The following THSD7B variants were observed in gnomAD, a reference collection of about 807,000 sequenced individuals.
The protein encoded by THSD7B is thrombospondin type-1 domain-containing protein 7B.
In THSD7B, 138 loss-of-function variants were observed where a neutral mutation model predicts 213.6. The observed-to-expected ratio is 0.65, with a 90% CI of 0.56 to 0.74. The LOEUF (loss-of-function observed/expected upper bound fraction) is 0.74, where lower values mean the gene tolerates loss of function less well. THSD7B is among the 30% of genes least tolerant of loss of function. THSD7B has a pLI of 0.00. For missense variants in THSD7B, 1,931 were observed against 1,991.5 expected, an observed-to-expected ratio of 0.97 and a Z score of 0.58; for synonymous variants, 742 against 687.0, an observed-to-expected ratio of 1.08 and a Z score of -1.25.
chr2:137,163,331 T>C (rs780285237), intron 6 of THSD7B, among the ~76,000 whole-genome samples: 1 of 152,224 alleles, frequency 6.6e-6, no homozygotes, highest in Non-Finnish European at 1.5e-5. Flanking sequence ...AATAGGATTA[T>C]TTCAGAAGTA....
chr2:137,362,333 C>G (rs972049403), intron 12 of THSD7B, among the ~76,000 whole-genome samples: 1 of 152,128 alleles, frequency 6.6e-6, no homozygotes, highest in Non-Finnish European at 1.5e-5. Flanking sequence ...AACTAATGAG[C>G]AAAATAACCA....
At chr2:137,361,835 C>A (rs1004638147) in intron 12 of THSD7B, among the ~76,000 whole-genome samples, 2 of 152,082 alleles carry the variant, frequency 1.3e-5, no homozygotes, top group African/African-American at 4.8e-5. Flanking sequence ...GAGAACTTCC[C>A]CAACCTAGCA....
At chr2:136,853,227 A>G (rs1403012639) in intron 1 of THSD7B, among the ~76,000 whole-genome samples, 1 of 152,068 alleles carries the variant, frequency 6.6e-6, no homozygotes, top group Non-Finnish European at 1.5e-5. Context: ...CATCTGTCCT[A>G]TCAATGTCTC....
intron 2 of THSD7B, among the ~76,000 whole-genome samples, chr2:136,953,158 G>C (rs1039218266): frequency 6.6e-6 from 1 of 152,056 alleles, no homozygotes; most frequent in African/African-American, 2.4e-5. Flanking sequence ...CTAAAACATA[G>C]TCACAGCCTT....
At chr2:137,068,697 G>A (rs1687423598) in intron 3 of THSD7B, among the ~76,000 whole-genome samples, 1 of 151,982 alleles carries the variant, frequency 6.6e-6, no homozygotes. Context: ...ATTATAATTT[G>A]TTCTAAAGTA....
At chr2:137,118,883 T>A (rs1688491601) in intron 5 of THSD7B, among the ~76,000 whole-genome samples, 1 of 152,060 alleles carries the variant, frequency 6.6e-6, no homozygotes, top group Non-Finnish European at 1.5e-5. Context: ...GAAAGACATG[T>A]TTTACGTGGC....
intron 21 of THSD7B, among the ~76,000 whole-genome samples, chr2:137,654,682 C>A (rs896108219): frequency 6.6e-6 from 1 of 152,112 alleles, no homozygotes; most frequent in Non-Finnish European, 1.5e-5. Flanking sequence ...GCACCAGGAA[C>A]TGTCTTATCC....
intron 20 of THSD7B, among the ~76,000 whole-genome samples, chr2:137,628,154 C>T (rs1682668610): frequency 6.6e-6 from 1 of 152,160 alleles, no homozygotes; most frequent in Non-Finnish European, 1.5e-5. Flanking sequence ...CTCCACGTTC[C>T]TCTACCTGTC....
intron 12 of THSD7B, among the ~76,000 whole-genome samples, chr2:137,358,931 C>T (rs1685194550): frequency 1.3e-5 from 2 of 152,188 alleles, no homozygotes; most frequent in African/African-American, 4.8e-5. Flanking sequence ...CCCTGAGTGC[C>T]TGCAGCTTTG....
At chr2:137,219,962 T>C (rs1681331613) in intron 7 of THSD7B, among the ~76,000 whole-genome samples, 2 of 152,194 alleles carry the variant, frequency 1.3e-5, no homozygotes, top group Admixed American at 1.3e-4. Flanking sequence ...AATTGTGCTA[T>C]AGAACTGTAG....
At position 137,243,563 on chromosome 2, in the gene THSD7B, G is replaced by A. The variant is rs144306632; in HGVS notation, c.2266+991G>A. ...AGTATGCAGTTCTGCAGAGAAAAAA[G>A]CCTGTCAGAGGTTTGCTTTCCTTGG... On this transcript the variant is annotated intron_variant, in intron 10 of 27. Coordinates refer to ENST00000409968, the MANE Select transcript of THSD7B (RefSeq NM_001316349.2). Among the ~76,000 whole-genome samples, 106 of 152,334 alleles carry A rather than the reference G, an allele frequency of 7.0e-4. 1 individual carries two copies. In the East Asian group the frequency reaches 0.013, roughly 18 times the overall value.
chr2:136,849,568 T>C (rs1052506323), intron 1 of THSD7B, among the ~76,000 whole-genome samples: 2 of 152,058 alleles, frequency 1.3e-5, no homozygotes, highest in Non-Finnish European at 2.9e-5. Flanking sequence ...GGATGTCCTG[T>C]CCCCATCCTA....
intron 6 of THSD7B, among the ~76,000 whole-genome samples, chr2:137,167,985 C>A (rs1461980535): frequency 6.6e-6 from 1 of 152,206 alleles, no homozygotes; most frequent in Non-Finnish European, 1.5e-5. Flanking sequence ...CACACCCATC[C>A]ATTTAATCAG....
intron 17 of THSD7B, among the ~76,000 whole-genome samples, chr2:137,599,465 T>C (rs1682033746): frequency 6.6e-6 from 1 of 151,504 alleles, no homozygotes; most frequent in South Asian, 2.1e-4. Flanking sequence ...AGAATGGCAA[T>C]CATTAAAAAG....
chr2:137,116,823 G>A (rs927996356), intron 5 of THSD7B, among the ~76,000 whole-genome samples: 2 of 152,088 alleles, frequency 1.3e-5, no homozygotes, highest in East Asian at 3.9e-4. Context: ...ATAGAGAAGG[G>A]GTGTTAATTG....
intron 21 of THSD7B, among the ~76,000 whole-genome samples, chr2:137,644,981 A>ACAT (rs1683002160): frequency 6.6e-6 from 1 of 152,174 alleles, no homozygotes; most frequent in Non-Finnish European, 1.5e-5. Context: ...AGCTGCTAAC[A>ACAT]CATATACACA....
chr2:136,819,842 C>T (rs935358047), intron 1 of THSD7B, among the ~76,000 whole-genome samples: 3 of 151,478 alleles, frequency 2.0e-5, no homozygotes, highest in Middle Eastern at 3.4e-3. Context: ...CTACTCTCCT[C>T]GTTGCTTAGA....
intron 17 of THSD7B, among the ~76,000 whole-genome samples, chr2:137,589,083 T>C (rs1334194291): frequency 6.6e-6 from 1 of 152,178 alleles, no homozygotes; most frequent in African/African-American, 2.4e-5. Context: ...CCTGGCCACA[T>C]GTTGTCCTTT....
intron 2 of THSD7B, among the ~76,000 whole-genome samples, chr2:136,964,128 A>T (rs1685275980): frequency 6.6e-6 from 1 of 152,218 alleles, no homozygotes; most frequent in South Asian, 2.1e-4. Context: ...AGATTTTACC[A>T]CATCTCCTTA....
Sources: allele counts gnomAD v4.1 joint callset (sites outside exome capture counted in the v4.1 genomes callset), GRCh38; gene constraint gnomAD v4.1.1; transcripts MANE v1.5; gene names NCBI Gene and HGNC (gene_info 2026-07-23, HGNC 2026-07-21).